The following PAH variants were observed in gnomAD, a reference collection of about 807,000 sequenced individuals.
PAH encodes the protein phenylalanine-4-hydroxylase.
In PAH, 64 loss-of-function variants were observed where a neutral mutation model predicts 62.0. The ratio of observed to expected loss-of-function variants is 1.03; its 90% CI spans 0.84 to 1.27. PAH has a LOEUF of 1.27. Ranked by LOEUF, PAH falls within the 50% of genes most tolerant of loss-of-function variation. The pLI, the probability that PAH is intolerant of heterozygous loss-of-function variation, is 0.00. For missense variants in PAH, 579 were observed against 542.8 expected, an observed-to-expected ratio of 1.07 and a Z score of -0.66; for synonymous variants, 195 against 196.2, an observed-to-expected ratio of 0.99 and a Z score of 0.05.
intron 3 of PAH, among the ~76,000 whole-genome samples, chr12:102,892,426 A>G (rs142165243): frequency 3.9e-5 from 6 of 152,346 alleles, no homozygotes; most frequent in Non-Finnish European, 7.3e-5. Flanking sequence ...CAGCAATCAC[A>G]TTCTTAGGTA....
At chr12:102,921,257 TCTCATAA>T (rs1359914859), upstream of PAH, among the ~76,000 whole-genome samples, 2 of 152,336 alleles carry the variant, frequency 1.3e-5, no homozygotes, top group Non-Finnish European at 2.9e-5. Context: ...TTTGAATTTC[TCTCATAA>T]CTCATGAGTT....
intron 11 of PAH, among the ~76,000 whole-genome samples, chr12:102,841,878 T>A (rs925617588): frequency 6.6e-6 from 1 of 152,216 alleles, no homozygotes; most frequent in Non-Finnish European, 1.5e-5. Flanking sequence ...TGAACCATGC[T>A]CAGCCAATCA....
Position 102,837,868 on chromosome 12 carries a change from AT to A in PAH, c.*1306del, listed in dbSNP as rs1427310689. ...AATTTGGCTATGAATAATTAAAAAA[AT>A]GGGGTACTTAAAAATACAGGTCTCT... is the stretch of plus-strand genomic sequence containing the variant. On this transcript the variant is annotated 3_prime_UTR_variant, in exon 13 of 13. Transcript: ENST00000553106. The A allele has an allele frequency of 6.6e-6, 1 of 152,220 alleles. No homozygotes were observed. The highest frequency in any genetic ancestry group is 1.5e-5 in the Non-Finnish European group (1 of 68,026). The allele number at this position is 152,220 out of a possible 1,614,324, so 9.4% of individuals were successfully genotyped here. A position where few individuals can be genotyped will look rare whatever the true frequency, so the allele number is the denominator to read the frequency against.
chr12:102,894,556 CCAAA>C (rs1877414625), intron 3 of PAH, among the ~76,000 whole-genome samples, 175 bp downstream of exon 3: 1 of 151,970 alleles, frequency 6.6e-6, no homozygotes, highest in Non-Finnish European at 1.5e-5. Flanking sequence ...ATTTAATCCC[CCAAA>C]CAGTCTTCCA....
At chr12:102,882,172 C>A (rs551389875) in intron 3 of PAH, among the ~76,000 whole-genome samples, 1 of 152,254 alleles carries the variant, frequency 6.6e-6, no homozygotes, top group Non-Finnish European at 1.5e-5. Flanking sequence ...CTATGAAATC[C>A]TCTGCCTCTA....
upstream of PAH, among the ~76,000 whole-genome samples, chr12:102,955,198 G>A (rs182534556): frequency 3.3e-5 from 5 of 152,328 alleles, no homozygotes; most frequent in African/African-American, 9.6e-5. Context: ...GTGTGTGTAG[G>A]GGGGAGGAGG....
chr12:102,947,327 T>C (rs577121867), intron 1 of PAH, among the ~76,000 whole-genome samples: 1 of 152,014 alleles, frequency 6.6e-6, no homozygotes, highest in Non-Finnish European at 1.5e-5. Context: ...CCCTGAAATA[T>C]AGAACACAAA....
At chr12:102,922,962 A>C (rs17449558) in intron 1 of PAH, among the ~76,000 whole-genome samples, 9,388 of 152,328 alleles carry the variant, frequency 0.062, 341 homozygotes, top group Admixed American at 0.1. Flanking sequence ...ATGGTCTATC[A>C]ATCCATATGA....
chr12:102,839,190 G>A lies in PAH; in HGVS notation c.1344C>T (p.Leu448=), dbSNP rs747923532. ...NSEIGILCSA[L]QKIK Reference sequence around the variant, plus strand: ...GTCCATGGCTTTACTTTATTTTCTGGAGGGCACTGCAAAGGATTCCAATTT... The same window carrying A: ...GTCCATGGCTTTACTTTATTTTCTGAAGGGCACTGCAAAGGATTCCAATTT... Residue 448 remains leucine (L), a synonymous_variant, in exon 13 of 13, where the codon CTC becomes CTT. Coordinates refer to ENST00000553106, the MANE Select transcript of PAH (RefSeq NM_000277.3). The A allele has an allele frequency of 1.2e-6, 2 of 1,613,756 alleles. No individual in the cohort carries two copies. The highest frequency in any genetic ancestry group is 2.2e-5 in the East Asian group (1 of 44,876).
At chr12:102,903,244 C>T (rs1301586833) in intron 2 of PAH, among the ~76,000 whole-genome samples, 1 of 151,932 alleles carries the variant, frequency 6.6e-6, no homozygotes, top group African/African-American at 2.4e-5. Flanking sequence ...GCCTGTAATC[C>T]CAGCTACTCA....
chr12:102,849,614 G>C (rs924606762), intron 8 of PAH, among the ~76,000 whole-genome samples: 2 of 152,192 alleles, frequency 1.3e-5, no homozygotes, highest in African/African-American at 4.8e-5. Flanking sequence ...GCCTGGTTCA[G>C]ATTAGGCTTA....
intron 3 of PAH, 42 bp downstream of exon 3, chr12:102,894,693 A>C: frequency 7.3e-7 from 1 of 1,372,068 alleles, no homozygotes; most frequent in Non-Finnish European, 1.0e-6. Flanking sequence ...TTATGAAGAC[A>C]GTGTGGAGTT....
Position 102,843,628 on chromosome 12 carries a change from C to T in PAH, c.1199+18G>A, listed in dbSNP as rs775701242. On this transcript the variant is annotated intron_variant, in intron 11 of 12. Transcript: ENST00000553106. Reference sequence around the variant, plus strand: ...GGAGGCCCCCAGAGCTAGTGGCTCACCTTTGTCACCACCTCACCTTACTTT... The same window carrying T: ...GGAGGCCCCCAGAGCTAGTGGCTCATCTTTGTCACCACCTCACCTTACTTT... 1 of 1,613,270 alleles carries T rather than the reference C, an allele frequency of 6.2e-7. No individual in the cohort carries two copies. The highest frequency in any genetic ancestry group is 8.5e-7 in the Non-Finnish European group (1 of 1,179,544).
intron 1 of PAH, among the ~76,000 whole-genome samples, chr12:102,948,597 C>T (rs1032272295): frequency 3.3e-5 from 5 of 152,304 alleles, no homozygotes; most frequent in African/African-American, 1.2e-4. Flanking sequence ...TCTCCTCCCC[C>T]TCAAGTCACT....
chr12:102,881,008 T>C (rs12826142), intron 3 of PAH, among the ~76,000 whole-genome samples: 26,807 of 149,834 alleles, frequency 0.18, 2,749 homozygotes, highest in Admixed American at 0.34. Context: ...TATTTTATTA[T>C]TTATTAATTT....
chr12:102,895,301 A>C (rs1294867896), intron 2 of PAH, among the ~76,000 whole-genome samples: 1 of 152,182 alleles, frequency 6.6e-6, no homozygotes, highest in Non-Finnish European at 1.5e-5. Context: ...ATAAATAAAT[A>C]ATATAGAAGC....
intron 4 of PAH, among the ~76,000 whole-genome samples, chr12:102,871,922 CAAAAAAAAAAAAAAA>C (rs1168829038): frequency 8.6e-4 from 99 of 115,452 alleles, no homozygotes; most frequent in African/African-American, 3.4e-3. Flanking sequence ...AACTCTGCCT[CAAAAAAAAAAAAAAA>C]AAAAAAAAAA....
In PAH at chr12:102,894,742, T is replaced by C. The variant is rs1325165739; in HGVS notation, c.345A>G (p.Lys115=). Residue 115 remains lysine (K), a synonymous_variant, in exon 3 of 13, where the codon AAA becomes AAG. Coordinates refer to ENST00000553106, the MANE Select transcript of PAH (RefSeq NM_000277.3). ...TVHELSRDKK[K]DTVPWFPRTI... ...AATTCCTCTAATTCTTACCTGTGTC[T>C]TTCTTCTTATCTCGTGAAAGCTCAT... 1 of 1,614,012 alleles carries C rather than the reference T, an allele frequency of 6.2e-7. No homozygotes were observed. The highest frequency in any genetic ancestry group is 8.5e-7 in the Non-Finnish European group (1 of 1,179,854).
At chr12:102,951,268 G>T (rs1401001479), upstream of PAH, among the ~76,000 whole-genome samples, 1 of 152,144 alleles carries the variant, frequency 6.6e-6, no homozygotes, top group Non-Finnish European at 1.5e-5. Flanking sequence ...CACGGGGGCC[G>T]GAGCACAGAG....
Sources: allele counts gnomAD v4.1 joint callset (sites outside exome capture counted in the v4.1 genomes callset), GRCh38; gene constraint gnomAD v4.1.1; transcripts MANE v1.5; gene names NCBI Gene and HGNC (gene_info 2026-07-23, HGNC 2026-07-21).